COG5: variants seen among roughly 807,000 people sequenced by gnomAD.
The protein encoded by COG5 is component of oligomeric golgi complex 5, also known as conserved oligomeric Golgi complex subunit 5.
A neutral mutation model predicts 110.4 loss-of-function variants in COG5; 86 were observed. The ratio of observed to expected loss-of-function variants is 0.78; its 90% confidence interval spans 0.65 to 0.93. The LOEUF is 0.93. COG5 is among the 40% of genes least tolerant of loss of function. The pLI is 0.00. For synonymous variants in COG5, 360 were observed against 334.6 expected, an observed-to-expected ratio of 1.08 and a Z score of -0.83; for missense variants, 1,077 against 987.0, an observed-to-expected ratio of 1.09 and a Z score of -1.22.
chr7:107,275,012 G>C (rs187665438), intron 14 of COG5, among the ~76,000 whole-genome samples: 1 of 152,090 alleles, frequency 6.6e-6, no homozygotes, highest in Non-Finnish European at 1.5e-5. Context: ...AGCTAGTCTT[G>C]GACTACTGGG....
intron 7 of COG5, among the ~76,000 whole-genome samples, chr7:107,403,639 C>T (rs1008639477): frequency 6.6e-6 from 1 of 151,822 alleles, no homozygotes; most frequent in Non-Finnish European, 1.5e-5. Flanking sequence ...AAGCAGCTCT[C>T]TCAGGCTCTG....
intron 12 of COG5, among the ~76,000 whole-genome samples, chr7:107,294,130 G>T (rs1806400585): frequency 6.6e-6 from 1 of 151,988 alleles, no homozygotes; most frequent in Non-Finnish European, 1.5e-5. Context: ...TTCCAGCCCT[G>T]ACTCATATTT....
intron 6 of COG5, among the ~76,000 whole-genome samples, chr7:107,522,245 G>A (rs1800380531): frequency 6.6e-6 from 1 of 152,208 alleles, no homozygotes; most frequent in Non-Finnish European, 1.5e-5. Flanking sequence ...GAGGCGGGCA[G>A]GTCACCTGAA....
chr7:107,474,720 C>T lies in COG5; in HGVS notation c.538+52517G>A, dbSNP rs188464963. The T allele has an allele frequency of 1.9e-6, 3 of 1,611,010 alleles. No homozygotes were observed. The highest frequency in any genetic ancestry group is 2.2e-5 in the East Asian group (1 of 44,762). Reference sequence around the variant, plus strand: ...ACCTGTTAGTACAGATCCCAATATTCTTTTTCACTGTTGTAGTAATGTTAA... The same window carrying T: ...ACCTGTTAGTACAGATCCCAATATTTTTTTTCACTGTTGTAGTAATGTTAA... On this transcript the variant is annotated intron_variant, in intron 6 of 21. Transcript: ENST00000297135. This position sits in a 1 kb window ranked among gnomAD's most constrained non-coding sequence, Gnocchi z 5.7.
chr7:107,223,359 C>A (rs778566298), intron 19 of COG5, among the ~76,000 whole-genome samples: 1 of 152,104 alleles, frequency 6.6e-6, no homozygotes, highest in Non-Finnish European at 1.5e-5. Flanking sequence ...CACGAGGGGC[C>A]ATGTGGGTCC....
intron 19 of COG5, among the ~76,000 whole-genome samples, chr7:107,216,127 G>C (rs913380648): frequency 6.6e-5 from 10 of 152,016 alleles, no homozygotes; most frequent in African/African-American, 2.2e-4. Context: ...AGACAAAATA[G>C]ACTTAAGCTC....
chr7:107,408,928 A>G (rs569952324), intron 7 of COG5, among the ~76,000 whole-genome samples: 1 of 152,224 alleles, frequency 6.6e-6, no homozygotes, highest in East Asian at 1.9e-4. Flanking sequence ...AGCCCTCCCA[A>G]CCATATCCTA....
At chr7:107,283,820 T>G in intron 12 of COG5, 88 bp from the exon 13 acceptor site, 1 of 891,316 alleles carries the variant, frequency 1.1e-6, no homozygotes, top group Non-Finnish European at 1.8e-6. Context: ...TTTTAAAAAA[T>G]GCACCTCCCA....
intron 5 of COG5, among the ~76,000 whole-genome samples, chr7:107,529,856 C>T (rs1420149588): frequency 6.6e-6 from 1 of 152,186 alleles, no homozygotes; most frequent in East Asian, 1.9e-4. Flanking sequence ...ATTGAGGTTG[C>T]TGCAGACCTG....
At chr7:107,461,003 G>A (rs1482037218) in intron 6 of COG5, among the ~76,000 whole-genome samples, 1 of 151,968 alleles carries the variant, frequency 6.6e-6, no homozygotes, top group African/African-American at 2.4e-5. Flanking sequence ...CTTCTCTAGT[G>A]AATTTTATTA....
At chr7:107,510,928 C>G (rs1283899652) in intron 6 of COG5, among the ~76,000 whole-genome samples, 1 of 152,022 alleles carries the variant, frequency 6.6e-6, no homozygotes, top group African/African-American at 2.4e-5. Flanking sequence ...ACTAAATGCC[C>G]ACAAGAGAAA....
At chr7:107,255,695 T>A (rs1215167188) in intron 16 of COG5, among the ~76,000 whole-genome samples, 1 of 152,158 alleles carries the variant, frequency 6.6e-6, no homozygotes, top group Admixed American at 6.6e-5. Context: ...GTAGGCTTAT[T>A]GTACCATTTT....
At chr7:107,320,579 T>C (rs1021363233) in intron 11 of COG5, among the ~76,000 whole-genome samples, 9 of 152,200 alleles carry the variant, frequency 5.9e-5, no homozygotes, top group African/African-American at 2.2e-4. Context: ...TAAGTCATGA[T>C]GCATATCAAG....
At chr7:107,446,642 C>A (rs1274680792) in intron 6 of COG5, among the ~76,000 whole-genome samples, 1 of 152,184 alleles carries the variant, frequency 6.6e-6, no homozygotes, top group Non-Finnish European at 1.5e-5. Flanking sequence ...TCTCTCTCCC[C>A]ACTCACACTG....
At chr7:107,501,580 TGATAA>T (rs1304968072) in intron 6 of COG5, among the ~76,000 whole-genome samples, 2 of 152,138 alleles carry the variant, frequency 1.3e-5, no homozygotes, top group Non-Finnish European at 2.9e-5. Flanking sequence ...TTACACTATA[TGATAA>T]AAGAATGAAT....
chr7:107,530,238 C>T (rs1801099086), intron 5 of COG5, among the ~76,000 whole-genome samples: 1 of 152,188 alleles, frequency 6.6e-6, no homozygotes, highest in Non-Finnish European at 1.5e-5. Context: ...ATTACCTTTA[C>T]ATAGTGGTTT....
In COG5 at chr7:107,277,053, A is replaced by G. The variant is rs1195936939; in HGVS notation, c.1575+4247T>C. 2.0e-5 allele frequency among the ~76,000 whole-genome samples: 3 copies of G among 152,340 alleles called. No homozygotes were observed. In the East Asian group the frequency reaches 5.8e-4, roughly 29 times the overall value. ...GCTAAATCCCTATTATTTCAAAATT[A>G]AACTATGAAATCATCTAACTATACA... is the stretch of plus-strand genomic sequence containing the variant. On this transcript the variant is annotated intron_variant, in intron 14 of 21. Coordinates refer to ENST00000297135, the MANE Select transcript of COG5 (RefSeq NM_006348.5).
intron 6 of COG5, among the ~76,000 whole-genome samples, chr7:107,498,792 G>C (rs1798441402): frequency 6.6e-6 from 1 of 152,088 alleles, no homozygotes; most frequent in African/African-American, 2.4e-5. Context: ...TCCCACTTCT[G>C]GGTTTTTATC....
At chr7:107,267,897 T>C (rs1261082944) in intron 14 of COG5, among the ~76,000 whole-genome samples, 5 of 152,158 alleles carry the variant, frequency 3.3e-5, no homozygotes, top group Non-Finnish European at 7.4e-5. Context: ...CCTCTATTTT[T>C]AAAAAATAAT....
Sources: allele counts gnomAD v4.1 joint callset (sites outside exome capture counted in the v4.1 genomes callset), GRCh38; gene constraint gnomAD v4.1.1; non-coding constraint Gnocchi (gnomAD v3.1); transcripts MANE v1.5; gene names NCBI Gene and HGNC (gene_info 2026-07-23, HGNC 2026-07-21).